ZC3H11A: variants seen among roughly 807,000 people sequenced by gnomAD.
ZC3H11A encodes the protein zinc finger CCCH domain-containing protein 11A.
A neutral mutation model predicts 90.8 loss-of-function variants in ZC3H11A; 22 were observed. The observed-to-expected ratio is 0.24, with a 90% CI of 0.17 to 0.35. ZC3H11A has a LOEUF of 0.35. Among genes scored for constraint, ZC3H11A ranks in the 10% least tolerant of loss-of-function variants. The pLI, the probability that ZC3H11A is intolerant of heterozygous loss-of-function variation, is 1.00. For missense variants in ZC3H11A, 701 were observed against 964.9 expected (o/e 0.73, Z 3.62); for synonymous variants, 294 against 339.8 (o/e 0.87, Z 1.48).
At chr1:203,846,019 G>A (rs1307384660) in intron 12 of ZC3H11A, among the ~76,000 whole-genome samples, 2 of 147,970 alleles carry the variant, frequency 1.4e-5, no homozygotes, top group African/African-American at 5.0e-5. Flanking sequence ...GCTCACACCT[G>A]TAATCCCAGC....
At chr1:203,849,314 T>C (rs1227875445) in intron 14 of ZC3H11A, among the ~76,000 whole-genome samples, 1 of 152,258 alleles carries the variant, frequency 6.6e-6, no homozygotes, top group Non-Finnish European at 1.5e-5. Context: ...ATGTTAATAA[T>C]TCTTCAAGAA....
chr1:203,810,216 TC>T (rs891538823), intron 2 of ZC3H11A, among the ~76,000 whole-genome samples: 2 of 151,960 alleles, frequency 1.3e-5, no homozygotes, highest in African/African-American at 4.8e-5. Context: ...TCTCAAGTGA[TC>T]CTCTTGCCTT....
intron 2 of ZC3H11A, among the ~76,000 whole-genome samples, chr1:203,811,331 A>G (rs546017540): frequency 4.9e-4 from 74 of 152,160 alleles, no homozygotes; most frequent in Non-Finnish European, 9.8e-4. Context: ...AAATAAATAA[A>G]TAAAATTAGT....
At position 203,829,846 on chromosome 1, in the gene ZC3H11A, A is replaced by G. The variant is rs570377510; in HGVS notation, c.569A>G (p.Asn190Ser). 58 of 1,614,180 alleles carry G rather than the reference A, an allele frequency of 3.6e-5. No individual in the cohort carries two copies. The highest frequency in any genetic ancestry group is 4.3e-5 in the Non-Finnish European group (51 of 1,180,040). Residue 190 changes from asparagine to serine, a missense_variant, in exon 7 of 18, where the codon AAT becomes AGT. Physicochemically the swap from Asn to Ser is conservative, Grantham distance 46. Around this residue, in one of 4 missense-constraint regions of ZC3H11A, gnomAD observed 530 missense variants for 696.2 expected, o/e 0.76. Transcript: ENST00000367210. Reference protein sequence around the residue: ...PTLQPTPEVHNGLRVTSVRKP... With the variant: ...PTLQPTPEVHSGLRVTSVRKP... ...CTGCAACCAACTCCTGAAGTTCACA[A>G]TGGATTACGAGTGACTTCTGTCCGG...
chr1:203,834,118 A>G lies in ZC3H11A; in HGVS notation c.874+265A>G, dbSNP rs1005566475. ...TTTAAAAATGGTAAAGAACACCTCT[A>G]TTTCTCTGAACAAATTTAAATGTGA... On this transcript the variant is annotated intron_variant, in intron 10 of 17. Transcript: ENST00000367210. 6.3e-6 allele frequency: 7 copies of G among 1,118,862 alleles called. No homozygotes were observed. In the Admixed American group the frequency reaches 1.9e-4, roughly 31 times the overall value. The allele number at this position is 1,118,862 out of a possible 1,614,324, so 69.3% of individuals were successfully genotyped here. A position where few individuals can be genotyped will look rare whatever the true frequency, so the allele number is the denominator to read the frequency against.
intron 1 of ZC3H11A, chr1:203,797,373 C>T: frequency 1.4e-6 from 1 of 690,640 alleles, no homozygotes; most frequent in Non-Finnish European, 2.2e-6. Flanking sequence ...CCAAAAATAA[C>T]CTGGCTTGGA....
In ZC3H11A at chr1:203,829,828, C is replaced by A. The variant is rs1039672936; in HGVS notation, c.551C>A (p.Pro184Gln). Residue 184 changes from proline (P) to glutamine (Q), a missense_variant, in exon 7 of 18, where the codon CCA becomes CAA. Pro to Gln is a moderately conservative substitution (Grantham distance 76, BLOSUM62 -1). This residue lies in a region of ZC3H11A where 530 missense variants were observed against 696.2 expected (regional missense o/e 0.76). Coordinates refer to ENST00000367210, the MANE Select transcript of ZC3H11A (RefSeq NM_001376342.1). ...GAAACCAAAACACCTACCCTGCAAC[C>A]AACTCCTGAAGTTCACAATGGATTA... ...GDETKTPTLQ[P>Q]TPEVHNGLRV... 2 of 1,613,942 alleles carry A rather than the reference C, an allele frequency of 1.2e-6. No homozygotes were observed. Among genetic ancestry groups the A allele is most frequent in the East Asian group, 2.2e-5 (1 of 44,888 alleles).
At chr1:203,822,322 C>A (rs1051778458) in intron 4 of ZC3H11A, among the ~76,000 whole-genome samples, 7 of 152,044 alleles carry the variant, frequency 4.6e-5, no homozygotes, top group African/African-American at 1.7e-4. Context: ...ACAAGGACAC[C>A]TTTCTCACCA....
At chr1:203,798,443 A>C in intron 1 of ZC3H11A, 1 of 1,536,034 alleles carries the variant, frequency 6.5e-7, no homozygotes, top group African/African-American at 1.4e-5. Context: ...CAACACTTCA[A>C]CGACACCTGC....
At position 203,846,579 on chromosome 1, in the gene ZC3H11A, A is replaced by C. The variant is rs1687971696; in HGVS notation, c.1043-605A>C. 2.6e-5 allele frequency among the ~76,000 whole-genome samples: 4 copies of C among 152,232 alleles called. No homozygotes were observed. In the South Asian group the frequency reaches 8.3e-4, roughly 31 times the overall value. On this transcript the variant is annotated intron_variant, in intron 12 of 17. Coordinates refer to ENST00000367210, the MANE Select transcript of ZC3H11A (RefSeq NM_001376342.1). ...TAGCTAGTTTAATTATTGATCTGTT[A>C]GACTGTAAATTACATGTGGACAGAG... is the stretch of plus-strand genomic sequence containing the variant.
In ZC3H11A at chr1:203,827,681, C is replaced by CA. The variant is rs77923419; in HGVS notation, c.175-603dup. On this transcript the variant is annotated intron_variant, in intron 4 of 17. Transcript: ENST00000367210. ...TGGGTGACAGAGCAAGACTCTGTCT[C>CA]AAAAAAAAAAAAAAAGTAAGGTGAC... is the stretch of plus-strand genomic sequence containing the variant. 9.4e-3 allele frequency among the ~76,000 whole-genome samples: 812 copies of CA among 86,174 alleles called. 6 individuals are homozygous for CA. The highest frequency in any genetic ancestry group is 0.04 in the Middle Eastern group (4 of 100). 56.5% of individuals were successfully genotyped at this position (86,174 alleles called of 152,430 possible). A position where few individuals can be genotyped will look rare whatever the true frequency, so the allele number is the denominator to read the frequency against.
At chr1:203,814,722 AT>A (rs1675678321) in intron 2 of ZC3H11A, among the ~76,000 whole-genome samples, 1 of 152,092 alleles carries the variant, frequency 6.6e-6, no homozygotes. Context: ...CTGCTTACAT[AT>A]TTTTAGATTT....
chr1:203,799,251 G>A (rs1294313436), intron 1 of ZC3H11A: 1 of 806,322 alleles, frequency 1.2e-6, no homozygotes, highest in Admixed American at 2.0e-5. Flanking sequence ...CAAAGATGGT[G>A]GTTTTACCCA....
At chr1:203,797,506 G>C in intron 1 of ZC3H11A, 1 of 1,474,716 alleles carries the variant, frequency 6.8e-7, no homozygotes, top group East Asian at 2.5e-5. Flanking sequence ...GGTACGAATT[G>C]TGGAGACATA....
Position 203,852,556 on chromosome 1 carries a change from T to C in ZC3H11A, c.*157T>C. On this transcript the variant is annotated 3_prime_UTR_variant, in exon 18 of 18. Coordinates refer to ENST00000367210, the MANE Select transcript of ZC3H11A (RefSeq NM_001376342.1). ...ATTATCTGTATGTGTCCTGGATTCC[T>C]TGGGGTCAGATTTTTAAAGTTACTT... 5 of 770,086 alleles carry C rather than the reference T, an allele frequency of 6.5e-6. No homozygotes were observed. The South Asian group carries it at 7.7e-5, about 12-fold the overall frequency. 47.7% of individuals were successfully genotyped at this position (770,086 alleles called of 1,614,324 possible).
At chr1:203,819,085 T>TAC (rs1329539748) in intron 4 of ZC3H11A, among the ~76,000 whole-genome samples, 112 of 66,030 alleles carry the variant, frequency 1.7e-3, no homozygotes, top group African/African-American at 4.6e-3. Context: ...AAAATATATA[T>TAC]ATATACACAC....
chr1:203,833,706 T>A (rs1031447929), intron 9 of ZC3H11A, 85 bp from the exon 10 acceptor site: 48 of 1,065,722 alleles, frequency 4.5e-5, no homozygotes, highest in Non-Finnish European at 3.8e-6. Flanking sequence ...TACACTAATA[T>A]CAGAACATAC....
intron 2 of ZC3H11A, among the ~76,000 whole-genome samples, chr1:203,807,175 A>G (rs1020754013): frequency 2.6e-5 from 4 of 152,076 alleles, no homozygotes; most frequent in Non-Finnish European, 4.4e-5. Flanking sequence ...ATTCCTGACC[A>G]TGTTACTATT....
chr1:203,806,308 CT>C (rs201752688), intron 2 of ZC3H11A: 6,624 of 207,258 alleles, frequency 0.032, 10 homozygotes, highest in East Asian at 0.081. Context: ...TTTCTTTTTC[CT>C]TTTTTTTTTT....
Sources: gnomAD v4.1 joint callset for allele counts (sites outside exome capture counted in the v4.1 genomes callset) on GRCh38, gnomAD v4.1.1 for gene constraint, gnomAD v4.1.1 regional missense constraint, MANE v1.5 for transcripts, NCBI Gene and HGNC (gene_info 2026-07-23, HGNC 2026-07-21) for gene names.